Variants in PFKL observed in about 807,000 individuals in gnomAD.
The protein encoded by PFKL is phosphofructokinase, liver type.
Under a neutral mutation model 92.1 loss-of-function variants are expected in PFKL, and 74 were observed. That is an observed-to-expected ratio of 0.80 (90% CI 0.67 to 0.97). The LOEUF is 0.97. Among genes scored for constraint, PFKL ranks in the 50% least tolerant of loss-of-function variants. The pLI, the probability that PFKL is intolerant of heterozygous loss-of-function variation, is 0.00. For missense variants in PFKL, 1,028 were observed against 1,116.6 expected, an observed-to-expected ratio of 0.92 and a Z score of 1.13; for synonymous variants, 494 against 456.4, an observed-to-expected ratio of 1.08 and a Z score of -1.05.
Position 44,313,080 on chromosome 21 carries a change from G to A in PFKL, c.530G>A (p.Gly177Asp), listed in dbSNP as rs1602019535. Residue 177 changes from glycine (G) to aspartate (D), a missense_variant, in exon 5 of 22, where the codon GGC (glycine) becomes GAC (aspartate). Gly to Asp is a moderately conservative substitution (Grantham distance 94). Transcript: ENST00000349048. ...TTCTGCGGCACCGACATGACCATCGGCACGGACTCGGCCCTCCACCGCATC... is the reference window on the plus strand; with the variant it reads ...TTCTGCGGCACCGACATGACCATCGACACGGACTCGGCCCTCCACCGCATC... The part of the protein sequence containing the change: ...NDFCGTDMTI[G>D]TDSALHRIME... The A allele has an allele frequency of 6.2e-7, 1 of 1,613,122 alleles. No homozygotes were observed. Among genetic ancestry groups the A allele is most frequent in the South Asian group, 1.1e-5 (1 of 91,088 alleles).
At chr21:44,325,121 C>A in intron 18 of PFKL, 32 bp from the exon 19 acceptor site, 1 of 1,475,676 alleles carries the variant, frequency 6.8e-7, no homozygotes, top group Non-Finnish European at 9.5e-7. Context: ...TGAACTCGTT[C>A]CCGCCGACTC....
At chr21:44,326,465 T>C (rs983610261) in intron 21 of PFKL, among the ~76,000 whole-genome samples, 2 of 152,024 alleles carry the variant, frequency 1.3e-5, no homozygotes, top group Non-Finnish European at 1.5e-5. Flanking sequence ...GGCAATCCTT[T>C]CGGGTGGGCA....
At chr21:44,310,561 G>C (rs986430586) in intron 2 of PFKL, among the ~76,000 whole-genome samples, 2 of 152,200 alleles carry the variant, frequency 1.3e-5, no homozygotes, top group Admixed American at 6.5e-5. Context: ...CCCGCCGGCC[G>C]CATGCCTGGG....
intron 19 of PFKL, 124 bp from the exon 20 acceptor site, chr21:44,325,837 T>G: frequency 1.5e-6 from 1 of 660,286 alleles, no homozygotes; most frequent in Non-Finnish European, 2.7e-6. Context: ...GTGCACGGGT[T>G]GGAAGGAATG....
intron 1 of PFKL, 96 bp from the exon 2 acceptor site, chr21:44,306,585 C>A: frequency 1.9e-6 from 2 of 1,041,214 alleles, no homozygotes; most frequent in Non-Finnish European, 2.9e-6. Flanking sequence ...GACAGGGTGT[C>A]CAGGCCTCCC....
intron 1 of PFKL, among the ~76,000 whole-genome samples, chr21:44,301,690 G>C (rs1408660439): frequency 6.6e-6 from 1 of 152,140 alleles, no homozygotes; most frequent in Admixed American, 6.5e-5. Flanking sequence ...ACAGGTTGCT[G>C]TGGGGCCAGC....
rs2047396997 is a variant in PFKL, at chr21:44,322,980, G to C, written c.1428G>C (p.Gln476His). The C allele has an allele frequency of 3.1e-6, 5 of 1,612,286 alleles. No homozygotes were observed. The highest frequency in any genetic ancestry group is 4.2e-6 in the Non-Finnish European group (5 of 1,179,202). ...ACTGCAGGACCCTGCCCAAGGGCCA[G>C]CTGGAGTCCATTGTGGAGAACATCC... ...LGTKRTLPKG[Q>H]LESIVENIRI... Residue 476 changes from glutamine (Q) to histidine (H), a missense_variant, in exon 15 of 22, where the codon CAG (glutamine) becomes CAC (histidine). Coordinates refer to ENST00000349048, the MANE Select transcript of PFKL (RefSeq NM_002626.6).
At chr21:44,308,074 G>A (rs1242795438) in intron 2 of PFKL, among the ~76,000 whole-genome samples, 4 of 152,224 alleles carry the variant, frequency 2.6e-5, no homozygotes, top group African/African-American at 7.2e-5. Context: ...GTACAGGGAC[G>A]CAGCGTGAGG....
chr21:44,318,663 C>A, intron 10 of PFKL, 68 bp downstream of exon 10: 2 of 1,353,772 alleles, frequency 1.5e-6, no homozygotes, highest in Non-Finnish European at 1.9e-6. Flanking sequence ...ACAGGCCCCA[C>A]TGCTCTCTGG....
chr21:44,313,066 C>T lies in PFKL; in HGVS notation c.516C>T (p.Thr172=), dbSNP rs1424835255. 1.1e-5 allele frequency: 18 copies of T among 1,613,090 alleles called. No homozygotes were observed. The highest frequency in any genetic ancestry group is 1.7e-5 in the Admixed American group (1 of 60,008). ...CCATCGATAACGACTTCTGCGGCAC[C>T]GACATGACCATCGGCACGGACTCGG... ...VGSIDNDFCG[T]DMTIGTDSAL... The change falls in exon 5 of 22, where the codon ACC becomes ACT. Residue 172 remains threonine, a synonymous_variant. Transcript: ENST00000349048.
In PFKL at chr21:44,315,973, G is replaced by A. The variant is rs1879303888; in HGVS notation, c.748-271G>A. The A allele has an allele frequency of 1.8e-5, 9 of 499,290 alleles. No homozygotes were observed. In the South Asian group the frequency reaches 1.9e-4, roughly 10 times the overall value. The allele number at this position is 499,290 out of a possible 1,614,324, so 30.9% of individuals were successfully genotyped here. A position where few individuals can be genotyped will look rare whatever the true frequency, so the allele number is the denominator to read the frequency against. Reference sequence around the variant, plus strand: ...CTGTGTGTGTGCTGGGCCCAGCCCCGAGGGCCCCCTTCCTCCCCTGCTGCC... The same window carrying A: ...CTGTGTGTGTGCTGGGCCCAGCCCCAAGGGCCCCCTTCCTCCCCTGCTGCC... On this transcript the variant is annotated intron_variant, in intron 7 of 21. Coordinates refer to ENST00000349048, the MANE Select transcript of PFKL (RefSeq NM_002626.6).
chr21:44,326,060 G>A lies in PFKL; in HGVS notation c.2089G>A (p.Gly697Arg), dbSNP rs1436972953. The A allele has an allele frequency of 1.9e-6, 3 of 1,613,216 alleles. No homozygotes were observed. The highest frequency in any genetic ancestry group is 2.5e-6 in the Non-Finnish European group (3 of 1,179,682). ...GAAGCTGCGCGAGGTTTACCGCAAG[G>A]GTAGGTGGTGGGTGCGACCCGAGGC... ...SEKLREVYRK[G>R]RVFANAPDSA... The change falls in exon 20 of 22, where the codon GGA (glycine) becomes AGA (arginine). Residue 697 changes from glycine to arginine, a missense_variant and splice_region_variant. Transcript: ENST00000349048.
In PFKL at chr21:44,312,123, A is replaced by C; in HGVS notation, c.256A>C (p.Ser86Arg). The C allele has an allele frequency of 1.3e-6, 2 of 1,564,264 alleles. No homozygotes were observed. Among genetic ancestry groups the C allele is most frequent in the Non-Finnish European group, 1.7e-6 (2 of 1,155,722 alleles). ...TGTGCAGGGCGGCACTATCATTGGC[A>C]GCGCTCGCTGCAAGGCCTTTACCAC... ...IIQLGGTIIG[S>R]ARCKAFTTRE... The change falls in exon 4 of 22, where the codon AGC becomes CGC. Residue 86 changes from serine to arginine, a missense_variant. Physicochemically the swap from Ser to Arg is moderately radical, Grantham distance 110. Coordinates refer to ENST00000349048, the MANE Select transcript of PFKL (RefSeq NM_002626.6).
Position 44,327,211 on chromosome 21 carries a change from C to T in PFKL, c.*349C>T, listed in dbSNP as rs981029628. 6.4e-6 allele frequency: 2 copies of T among 313,204 alleles called. No individual in the cohort carries two copies. Among genetic ancestry groups the T allele is most frequent in the South Asian group, 9.5e-5 (2 of 21,056 alleles). The allele number at this position is 313,204 out of a possible 1,614,324, so 19.4% of individuals were successfully genotyped here. ...TGCTGGGCTCACTACATGGGCCAGCCCTTGCTCTACCTGGCCGGTAGGCTG... is the reference window on the plus strand; with the variant it reads ...TGCTGGGCTCACTACATGGGCCAGCTCTTGCTCTACCTGGCCGGTAGGCTG... On this transcript the variant is annotated 3_prime_UTR_variant, in exon 22 of 22. Transcript: ENST00000349048.
chr21:44,300,193 G>T lies in PFKL; in HGVS notation c.85+3G>T, dbSNP rs1375125197. 36 of 1,111,502 alleles carry T rather than the reference G, an allele frequency of 3.2e-5. No individual in the cohort carries two copies. Among genetic ancestry groups the T allele is most frequent in the Non-Finnish European group, 3.7e-5 (34 of 909,120 alleles). 68.9% of individuals were successfully genotyped at this position (1,111,502 alleles called of 1,614,324 possible). ...GACCAGCGGCGGCGACGCGCAAGGT[G>T]GGCGGGGGTCCCGGCCGCGTCGCGG... On this transcript the variant is annotated splice_donor_region_variant and intron_variant, in intron 1 of 21. Transcript: ENST00000349048.
chr21:44,325,846 T>C, intron 19 of PFKL, 115 bp from the exon 20 acceptor site: 2 of 682,384 alleles, frequency 2.9e-6, no homozygotes, highest in Non-Finnish European at 5.2e-6. Context: ...TTGGAAGGAA[T>C]GGGTGTTCAC....
intron 7 of PFKL, chr21:44,314,683 G>C (rs2047151512): frequency 6.5e-6 from 1 of 152,848 alleles, no homozygotes; most frequent in South Asian, 2.0e-4. Flanking sequence ...GGGGGCTCTG[G>C]CCTAGAACAG....
At chr21:44,318,401 C>T (rs1011162183) in intron 9 of PFKL, 69 bp from the exon 10 acceptor site, 3 of 1,367,908 alleles carry the variant, frequency 2.2e-6, no homozygotes, top group Non-Finnish European at 2.9e-6. Flanking sequence ...TGCACATCTA[C>T]AGAGGATGGG....
intron 4 of PFKL, among the ~76,000 whole-genome samples, chr21:44,312,525 G>C (rs1434668741): frequency 6.6e-6 from 1 of 152,254 alleles, no homozygotes; most frequent in Non-Finnish European, 1.5e-5. Flanking sequence ...GGCAGTGCAT[G>C]GGGCTGGTGG....
Sources: gnomAD v4.1 joint callset for allele counts (sites outside exome capture counted in the v4.1 genomes callset) on GRCh38, gnomAD v4.1.1 for gene constraint, MANE v1.5 for transcripts, NCBI Gene and HGNC (gene_info 2026-07-23, HGNC 2026-07-21) for gene names.